TLL2: variants seen among roughly 807,000 people sequenced by gnomAD.
TLL2 encodes the protein tolloid-like protein 2.
In TLL2, 106 loss-of-function variants were observed where a neutral mutation model predicts 123.0. The observed-to-expected ratio is 0.86, with a 90% CI of 0.74 to 1.01. The LOEUF (loss-of-function observed/expected upper bound fraction) is 1.01. Ranked by LOEUF, TLL2 falls within the 50% of genes least tolerant of loss-of-function variation. The probability of loss-of-function intolerance (pLI) is 0.00; values close to 1 mark genes in which losing one functional copy is unlikely to be tolerated. For synonymous variants in TLL2, 494 were observed against 516.8 expected (o/e 0.96, Z 0.60); for missense variants, 1,332 against 1,336.7 (o/e 1.00, Z 0.06).
intron 1 of TLL2, among the ~76,000 whole-genome samples, chr10:96,483,543 G>A (rs1847330872): frequency 2.0e-5 from 3 of 152,182 alleles, no homozygotes; most frequent in Non-Finnish European, 2.9e-5. Flanking sequence ...GTGGTGGGGT[G>A]GGGAAGTATA....
At chr10:96,437,108 T>C (rs947762055) in intron 3 of TLL2, among the ~76,000 whole-genome samples, 1 of 152,214 alleles carries the variant, frequency 6.6e-6, no homozygotes, top group Non-Finnish European at 1.5e-5. Flanking sequence ...ATTCTCTGAG[T>C]TAATTGCATT....
chr10:96,428,580 A>C (rs758267608), intron 5 of TLL2, 51 bp downstream of exon 5: 5 of 1,205,290 alleles, frequency 4.1e-6, no homozygotes, highest in Non-Finnish European at 6.1e-6. Context: ...TTCAACACTC[A>C]TGAGCCATCC....
chr10:96,421,111 GA>G (rs1275573084), intron 6 of TLL2, 50 bp from the exon 7 acceptor site: 7 of 1,453,790 alleles, frequency 4.8e-6, no homozygotes, highest in African/African-American at 4.2e-5. Flanking sequence ...TCAGGCACCT[GA>G]AAGGAGGCAG....
intron 1 of TLL2, among the ~76,000 whole-genome samples, chr10:96,486,020 C>G (rs2134106981): frequency 6.6e-6 from 1 of 152,246 alleles, no homozygotes; most frequent in East Asian, 1.9e-4. Flanking sequence ...ACTGGGAAAA[C>G]CACCCAAGCC....
At chr10:96,402,335 GC>G (rs1846404777) in intron 10 of TLL2, among the ~76,000 whole-genome samples, 1 of 152,212 alleles carries the variant, frequency 6.6e-6, no homozygotes, top group African/African-American at 2.4e-5. Flanking sequence ...TTGGGCACAT[GC>G]CCTTTTATAT....
intron 3 of TLL2, among the ~76,000 whole-genome samples, chr10:96,435,898 C>T (rs1846791167): frequency 1.3e-5 from 2 of 152,202 alleles, no homozygotes; most frequent in Admixed American, 6.5e-5. Context: ...TTGAAATGTA[C>T]ATTTTCAATG....
At chr10:96,479,043 A>C (rs568568016) in intron 2 of TLL2, among the ~76,000 whole-genome samples, 2 of 152,338 alleles carry the variant, frequency 1.3e-5, no homozygotes, top group Admixed American at 6.5e-5. Flanking sequence ...GAAAAGTGTG[A>C]TTAGATGGAG....
intron 1 of TLL2, among the ~76,000 whole-genome samples, chr10:96,502,526 G>A (rs1357057233): frequency 2.0e-5 from 3 of 152,154 alleles, no homozygotes; most frequent in Non-Finnish European, 4.4e-5. Context: ...TGGGCGGGGT[G>A]AGAAGAAGAG....
intron 1 of TLL2, among the ~76,000 whole-genome samples, chr10:96,506,088 C>A (rs894820569): frequency 6.6e-6 from 1 of 151,570 alleles, no homozygotes; most frequent in Non-Finnish European, 1.5e-5. Context: ...CCTGTCTCTA[C>A]TAAAAATACA....
intron 17 of TLL2, 62 bp downstream of exon 17, chr10:96,378,905 C>A: frequency 6.3e-7 from 1 of 1,599,746 alleles, no homozygotes; most frequent in Non-Finnish European, 8.6e-7. Flanking sequence ...CACATGCACA[C>A]AGGGGCATGG....
At chr10:96,420,918 C>A (rs746030610) in intron 7 of TLL2, 38 bp downstream of exon 7, 7 of 1,588,742 alleles carry the variant, frequency 4.4e-6, no homozygotes, top group Non-Finnish European at 6.0e-6. Context: ...GCCGCAGGCA[C>A]AGTAAAACAC....
intron 1 of TLL2, among the ~76,000 whole-genome samples, chr10:96,491,856 G>A (rs766658622): frequency 5.3e-5 from 8 of 152,108 alleles, no homozygotes; most frequent in Non-Finnish European, 7.3e-5. Flanking sequence ...ACAGTTGGGC[G>A]TCGCAAGGAG....
chr10:96,444,877 A>G (rs548021499), intron 3 of TLL2, among the ~76,000 whole-genome samples: 1 of 152,368 alleles, frequency 6.6e-6, no homozygotes, highest in Non-Finnish European at 1.5e-5. Context: ...TCCGTGAGAC[A>G]TAAGATTCTG....
chr10:96,471,714 C>T (rs781595052), intron 2 of TLL2, among the ~76,000 whole-genome samples: 6 of 152,268 alleles, frequency 3.9e-5, no homozygotes, highest in African/African-American at 9.6e-5. Context: ...GAGCCAGAGA[C>T]GCAAACTCAG....
Position 96,397,182 on chromosome 10 carries a change from A to G in TLL2, c.1384+4T>C. Reference sequence around the variant, plus strand: ...CCGAGCAGCTGCTTTCACCTCGCACAAACCTTCGTACGCTGCAAAGAAGCC... The same window carrying G: ...CCGAGCAGCTGCTTTCACCTCGCACGAACCTTCGTACGCTGCAAAGAAGCC... On this transcript the variant is annotated splice_donor_region_variant and intron_variant, in intron 11 of 20. Transcript: ENST00000357947. The G allele has an allele frequency of 1.9e-6, 3 of 1,609,518 alleles. No individual in the cohort carries two copies. The highest frequency in any genetic ancestry group is 2.5e-6 in the Non-Finnish European group (3 of 1,177,570).
chr10:96,460,641 AT>A (rs1797696158), intron 2 of TLL2, among the ~76,000 whole-genome samples: 1 of 152,114 alleles, frequency 6.6e-6, no homozygotes, highest in Non-Finnish European at 1.5e-5. Flanking sequence ...TCCTGCCACC[AT>A]GTGAAGATGT....
At chr10:96,440,402 A>G (rs902084879) in intron 3 of TLL2, among the ~76,000 whole-genome samples, 2 of 152,214 alleles carry the variant, frequency 1.3e-5, no homozygotes, top group Non-Finnish European at 2.9e-5. Flanking sequence ...TGTGTTGGAA[A>G]CCTCTCCAAA....
chr10:96,379,031 C>T lies in TLL2; in HGVS notation c.2256G>A (p.Gly752=), dbSNP rs1416817554. Residue 752 remains glycine, a synonymous_variant, in exon 17 of 21, where the codon GGG becomes GGA. Coordinates refer to ENST00000357947, the MANE Select transcript of TLL2 (RefSeq NM_012465.4). The part of the protein sequence containing the change: ...GCQHECVNTF[G]SYLCRCRNGY... ...CGTTTCTGCACCTGCACAGGTAGCT[C>T]CCGAAGGTGTTGACGCACTCATGCT... The T allele has an allele frequency of 8.7e-6, 14 of 1,614,212 alleles. No homozygotes were observed. Among genetic ancestry groups the T allele is most frequent in the Non-Finnish European group, 1.1e-5 (13 of 1,180,036 alleles).
chr10:96,500,100 A>AT (rs1296003029), intron 1 of TLL2, among the ~76,000 whole-genome samples: 9 of 101,660 alleles, frequency 8.9e-5, no homozygotes, highest in Admixed American at 2.3e-4. Flanking sequence ...GGCCAACATG[A>AT]TTTAAAAAAA....
Sources: gnomAD v4.1 joint callset for allele counts (sites outside exome capture counted in the v4.1 genomes callset) on GRCh38, gnomAD v4.1.1 for gene constraint, MANE v1.5 for transcripts, NCBI Gene and HGNC (gene_info 2026-07-23, HGNC 2026-07-21) for gene names.